The following KIAA1549L variants were observed in gnomAD, a reference collection of about 807,000 sequenced individuals.
KIAA1549L encodes UPF0606 protein KIAA1549L.
KIAA1549L carries 88 observed loss-of-function variants against 160.7 expected under a neutral mutation model. The observed-to-expected ratio is 0.55, with a 90% CI of 0.46 to 0.65. KIAA1549L has a LOEUF of 0.65. KIAA1549L is among the 30% of genes least tolerant of loss of function. The pLI is 0.00. For synonymous variants in KIAA1549L, 950 were observed against 976.7 expected, an observed-to-expected ratio of 0.97 and a Z score of 0.51; for missense variants, 2,258 against 2,437.5, an observed-to-expected ratio of 0.93 and a Z score of 1.55.
At chr11:33,610,891 C>T (rs1850631566) in intron 15 of KIAA1549L, among the ~76,000 whole-genome samples, 1 of 152,240 alleles carries the variant, frequency 6.6e-6, no homozygotes, top group Non-Finnish European at 1.5e-5. Flanking sequence ...GCTGCATCAT[C>T]CCATGGCAGA....
At chr11:33,618,442 C>T in intron 15 of KIAA1549L, 91 bp from the exon 16 acceptor site, 4 of 1,191,866 alleles carry the variant, frequency 3.4e-6, no homozygotes, top group Non-Finnish European at 4.6e-6. Flanking sequence ...CAAATCCAAA[C>T]CCTTCATTGG....
chr11:33,645,778 G>A lies in KIAA1549L; in HGVS notation c.5502G>A (p.Glu1834=), dbSNP rs1229308642. The change falls in exon 17 of 21, where the codon GAG becomes GAA. Residue 1834 remains glutamate, a synonymous_variant. Transcript: ENST00000658780. ...CTCGACAGGTGAAAGGCCACTCGGAGACCTCCACACTGAGCTCCCAGCCAT... is the reference window on the plus strand; with the variant it reads ...CTCGACAGGTGAAAGGCCACTCGGAAACCTCCACACTGAGCTCCCAGCCAT... ...SRSRQVKGHS[E]TSTLSSQPSI... The A allele has an allele frequency of 6.2e-7, 1 of 1,613,928 alleles. No homozygotes were observed. Among genetic ancestry groups the A allele is most frequent in the African/African-American group, 1.3e-5 (1 of 75,038 alleles).
intron 1 of KIAA1549L, among the ~76,000 whole-genome samples, chr11:33,381,702 C>G (rs1171928402): frequency 6.6e-6 from 1 of 152,090 alleles, no homozygotes; most frequent in Non-Finnish European, 1.5e-5. Context: ...TCTGTAAGGT[C>G]AAGTATGGAA....
intron 6 of KIAA1549L, among the ~76,000 whole-genome samples, chr11:33,553,170 T>G (rs1267481720): frequency 6.6e-6 from 1 of 152,130 alleles, no homozygotes; most frequent in Non-Finnish European, 1.5e-5. Context: ...TTAAAAATTT[T>G]TTAATTATTT....
At chr11:33,572,194 G>A (rs959462915) in intron 9 of KIAA1549L, among the ~76,000 whole-genome samples, 3 of 151,984 alleles carry the variant, frequency 2.0e-5, no homozygotes, top group South Asian at 4.2e-4. Flanking sequence ...GTGCCACCAC[G>A]CCCAGCTAAT....
intron 1 of KIAA1549L, among the ~76,000 whole-genome samples, chr11:33,439,724 C>G (rs898698238): frequency 2.6e-5 from 4 of 152,098 alleles, no homozygotes; most frequent in Non-Finnish European, 5.9e-5. Flanking sequence ...CAATTCTATG[C>G]ATCGGGTACA....
chr11:33,547,619 C>G (rs950663620), intron 3 of KIAA1549L, 145 bp from the exon 4 acceptor site: 5 of 601,462 alleles, frequency 8.3e-6, no homozygotes, highest in East Asian at 5.7e-5. Context: ...GAGCTACCAC[C>G]CCAGCGCACC....
intron 1 of KIAA1549L, among the ~76,000 whole-genome samples, chr11:33,439,340 C>A (rs890986254): frequency 6.6e-6 from 1 of 152,078 alleles, no homozygotes; most frequent in African/African-American, 2.4e-5. Context: ...AGGATATATA[C>A]TGATCAGATC....
intron 1 of KIAA1549L, among the ~76,000 whole-genome samples, chr11:33,445,533 C>G (rs564539185): frequency 1.3e-5 from 2 of 152,274 alleles, no homozygotes; most frequent in African/African-American, 4.8e-5. Flanking sequence ...GGCATTGTGT[C>G]CCACGAGGTG....
At chr11:33,397,667 G>A (rs1181869219) in intron 1 of KIAA1549L, among the ~76,000 whole-genome samples, 24 of 150,950 alleles carry the variant, frequency 1.6e-4, no homozygotes, top group African/African-American at 5.4e-4. Context: ...AGCCAAGATC[G>A]CGCCACTGCA....
chr11:33,384,406 C>G (rs1850131867), intron 1 of KIAA1549L, among the ~76,000 whole-genome samples: 1 of 152,216 alleles, frequency 6.6e-6, no homozygotes, highest in Non-Finnish European at 1.5e-5. Context: ...CAGTTTATGA[C>G]ATGGAAGTCT....
chr11:33,570,006 CTTTTT>C (rs34297267), intron 9 of KIAA1549L, among the ~76,000 whole-genome samples: 3 of 134,582 alleles, frequency 2.2e-5, no homozygotes, highest in Non-Finnish European at 4.7e-5. Context: ...CTCTCTCTCT[CTTTTT>C]TTTTTTTTTT....
chr11:33,398,090 T>G (rs1052164851), intron 1 of KIAA1549L, among the ~76,000 whole-genome samples: 3 of 151,654 alleles, frequency 2.0e-5, no homozygotes, highest in Non-Finnish European at 2.9e-5. Context: ...CCTGGCTAAT[T>G]TTTGTATTTT....
chr11:33,544,638 T>C, intron 2 of KIAA1549L, 129 bp from the exon 3 acceptor site: 1 of 1,226,990 alleles, frequency 8.2e-7, no homozygotes, highest in Non-Finnish European at 1.1e-6. Context: ...GCCTAAGTTC[T>C]GTCCACTGCA....
chr11:33,558,313 C>G (rs1013779467), intron 6 of KIAA1549L, among the ~76,000 whole-genome samples: 15 of 152,132 alleles, frequency 9.9e-5, no homozygotes, highest in Non-Finnish European at 1.6e-4. Flanking sequence ...ACCCAAGGCT[C>G]TAACAGCTGG....
intron 17 of KIAA1549L, among the ~76,000 whole-genome samples, chr11:33,649,109 T>G (rs772119439): frequency 9.9e-5 from 15 of 152,178 alleles, no homozygotes; most frequent in Admixed American, 3.3e-4. Flanking sequence ...TAGAGCTGCC[T>G]AACTTCAAAT....
At chr11:33,537,833 G>A (rs150706255) in intron 1 of KIAA1549L, among the ~76,000 whole-genome samples, 12 of 152,254 alleles carry the variant, frequency 7.9e-5, no homozygotes, top group African/African-American at 2.9e-4. Flanking sequence ...GAAGGCCTTA[G>A]TTTTATCTTG....
At chr11:33,492,845 C>T (rs949854844) in intron 1 of KIAA1549L, among the ~76,000 whole-genome samples, 10 of 152,116 alleles carry the variant, frequency 6.6e-5, no homozygotes, top group East Asian at 1.9e-4. Context: ...GGGTAGATCT[C>T]AGCGCTGTTT....
At chr11:33,489,781 G>A (rs1453469693) in intron 1 of KIAA1549L, among the ~76,000 whole-genome samples, 2 of 152,320 alleles carry the variant, frequency 1.3e-5, no homozygotes, top group East Asian at 1.9e-4. Context: ...AATTGGCGTT[G>A]GAAAATGTAG....
Sources: allele counts gnomAD v4.1 joint callset (sites outside exome capture counted in the v4.1 genomes callset), GRCh38; gene constraint gnomAD v4.1.1; transcripts MANE v1.5; gene names NCBI Gene and HGNC (gene_info 2026-07-23, HGNC 2026-07-21).